Variants in PPP2R3A observed in about 807,000 individuals in gnomAD.
PPP2R3A encodes protein phosphatase 2 regulatory subunit B''alpha.
Under a neutral mutation model 106.9 loss-of-function variants are expected in PPP2R3A, and 80 were observed. The observed-to-expected ratio is 0.75, with a 90% confidence interval of 0.62 to 0.90. The LOEUF (loss-of-function observed/expected upper bound fraction) is 0.90. Among genes scored for constraint, PPP2R3A ranks in the 40% least tolerant of loss-of-function variants. The pLI, the probability that PPP2R3A is intolerant of heterozygous loss-of-function variation, is 0.00. For missense variants in PPP2R3A, 1,386 were observed against 1,350.4 expected (o/e 1.03, Z -0.41); for synonymous variants, 483 against 468.3 (o/e 1.03, Z -0.41).
chr3:135,980,607 A>G (rs1937529023), intron 1 of PPP2R3A, among the ~76,000 whole-genome samples: 1 of 151,880 alleles, frequency 6.6e-6, no homozygotes. Context: ...GGTGAAGTAG[A>G]TGACTGGAAC....
intron 13 of PPP2R3A, among the ~76,000 whole-genome samples, chr3:136,135,504 CAG>C (rs1011616908): frequency 6.6e-6 from 1 of 152,058 alleles, no homozygotes; most frequent in Non-Finnish European, 1.5e-5. Context: ...AATTGTCAAA[CAG>C]AAATTGCCAG....
chr3:136,088,045 C>T, intron 9 of PPP2R3A, 114 bp downstream of exon 9: 1 of 779,750 alleles, frequency 1.3e-6, no homozygotes, highest in Non-Finnish European at 2.1e-6. Context: ...CAAATAATAT[C>T]CTATAAAACA....
chr3:135,974,872 G>A (rs544574446), intron 1 of PPP2R3A, among the ~76,000 whole-genome samples: 1 of 152,232 alleles, frequency 6.6e-6, no homozygotes, highest in Non-Finnish European at 1.5e-5. Context: ...AGAGATTAGT[G>A]GTTGTGAATG....
intron 1 of PPP2R3A, among the ~76,000 whole-genome samples, chr3:135,971,083 T>C (rs1353231924): frequency 6.6e-6 from 1 of 152,196 alleles, no homozygotes; most frequent in Non-Finnish European, 1.5e-5. Context: ...TGTTAGGGAA[T>C]GTGTATCTAA....
chr3:135,972,713 G>A (rs138345378), intron 1 of PPP2R3A, among the ~76,000 whole-genome samples: 208 of 152,210 alleles, frequency 1.4e-3, no homozygotes, highest in African/African-American at 4.7e-3. Flanking sequence ...GACTACTGAC[G>A]TTGAGCATCT....
At chr3:135,986,805 G>A (rs1359762440) in intron 1 of PPP2R3A, among the ~76,000 whole-genome samples, 2 of 152,022 alleles carry the variant, frequency 1.3e-5, no homozygotes, top group African/African-American at 2.4e-5. Context: ...CCATTCTCTT[G>A]TGCATGAACA....
chr3:136,145,437 A>G lies in PPP2R3A; in HGVS notation c.*271A>G, dbSNP rs1364392276. 1 of 240,704 alleles carries G rather than the reference A, an allele frequency of 4.2e-6. No individual in the cohort carries two copies. Among genetic ancestry groups the G allele is most frequent in the African/African-American group, 2.3e-5 (1 of 42,982 alleles). 14.9% of individuals were successfully genotyped at this position (240,704 alleles called of 1,614,324 possible). On this transcript the variant is annotated 3_prime_UTR_variant, in exon 14 of 14. Transcript: ENST00000264977. ...GCACTCTACACTCTTGAATGTACCA[A>G]GGATCTCTTGGCGACAGTACCAAGC...
At chr3:136,066,230 G>T (rs1437813810) in intron 5 of PPP2R3A, among the ~76,000 whole-genome samples, 1 of 152,116 alleles carries the variant, frequency 6.6e-6, no homozygotes, top group Non-Finnish European at 1.5e-5. Context: ...TAGTTCAAAT[G>T]CTCCATAAAT....
chr3:136,019,120 C>T (rs1934375872), intron 2 of PPP2R3A, among the ~76,000 whole-genome samples: 1 of 152,328 alleles, frequency 6.6e-6, no homozygotes, highest in Middle Eastern at 3.4e-3. Flanking sequence ...AGGGAAAGTT[C>T]ATGAGTGATC....
intron 1 of PPP2R3A, among the ~76,000 whole-genome samples, chr3:135,990,502 G>C (rs907271610): frequency 6.6e-6 from 1 of 152,074 alleles, no homozygotes; most frequent in African/African-American, 2.4e-5. Context: ...TTTGTTTTCT[G>C]TAATGCCCTG....
intron 5 of PPP2R3A, chr3:136,055,560 T>A: frequency 7.2e-6 from 10 of 1,382,632 alleles, no homozygotes; most frequent in Non-Finnish European, 9.3e-6. Context: ...TGCTCAAATC[T>A]TCACAGAGCG....
chr3:136,103,010 G>A lies in PPP2R3A; in HGVS notation c.3104-248G>A, dbSNP rs138100374. 3.3e-5 allele frequency among the ~76,000 whole-genome samples: 5 copies of A among 152,180 alleles called. No individual in the cohort carries two copies. In the East Asian group the frequency reaches 7.7e-4, roughly 23 times the overall value. On this transcript the variant is annotated intron_variant, in intron 11 of 13. Transcript: ENST00000264977. ...GTACAACATTGTGAGTGTACTAAAA[G>A]CCACTGAATTATGCACTTTAAAATT... is the stretch of plus-strand genomic sequence containing the variant.
At chr3:136,139,457 A>C (rs1229000349) in intron 13 of PPP2R3A, among the ~76,000 whole-genome samples, 2 of 151,988 alleles carry the variant, frequency 1.3e-5, no homozygotes, top group Non-Finnish European at 2.9e-5. Flanking sequence ...GCCCTTTGGG[A>C]GGCCGAGGGG....
At chr3:136,067,456 A>G (rs961198607) in intron 5 of PPP2R3A, among the ~76,000 whole-genome samples, 8 of 152,192 alleles carry the variant, frequency 5.3e-5, no homozygotes, top group African/African-American at 1.9e-4. Context: ...TTTTCTAGTC[A>G]TAGTGCAAGA....
At chr3:136,015,254 T>G (rs909324853) in intron 2 of PPP2R3A, among the ~76,000 whole-genome samples, 5 of 152,134 alleles carry the variant, frequency 3.3e-5, no homozygotes, top group Non-Finnish European at 7.4e-5. Flanking sequence ...TTTTTGCATC[T>G]ATGTTCACCA....
At chr3:136,102,407 T>C (rs1300609973) in intron 11 of PPP2R3A, among the ~76,000 whole-genome samples, 2 of 147,172 alleles carry the variant, frequency 1.4e-5, no homozygotes, top group African/African-American at 5.0e-5. Flanking sequence ...AGTACAATGG[T>C]GTGATCTCAG....
Position 136,001,548 on chromosome 3 carries a change from G to A in PPP2R3A, c.50G>A (p.Ser17Asn), listed in dbSNP as rs1241538042. Reference protein sequence around the residue: ...LVVSTVNHYSSVVIDRRFEQA... With the variant: ...LVVSTVNHYSNVVIDRRFEQA... ...GTTAGTACTGTGAACCACTACAGCA[G>A]CGTGGTGATAGACCGGCGTTTTGAA... The change falls in exon 2 of 14, where the codon AGC (serine) becomes AAC (asparagine). Residue 17 changes from serine (S) to asparagine (N), a missense_variant. By Grantham distance (46) the Ser-to-Asn change is conservative. Transcript: ENST00000264977. The A allele has an allele frequency of 1.2e-6, 2 of 1,614,194 alleles. No homozygotes were observed. The highest frequency in any genetic ancestry group is 1.7e-6 in the Non-Finnish European group (2 of 1,180,020).
In PPP2R3A at chr3:135,983,669, T is replaced by A. The variant is rs113981869; in HGVS notation, c.-440-17390T>A. Among the ~76,000 whole-genome samples, 923 of 152,354 alleles carry A rather than the reference T, an allele frequency of 6.1e-3. 7 individuals are homozygous for A. Among genetic ancestry groups the A allele is most frequent in the Middle Eastern group, 0.01 (3 of 294 alleles). On this transcript the variant is annotated intron_variant, in intron 1 of 13. Transcript: ENST00000264977. ...GCCTTCTGCATCTTCTATTTGCCTC[T>A]TGTTGATTTAATCTCACAGGTCATT...
chr3:136,111,556 A>G (rs2107983486), intron 13 of PPP2R3A, among the ~76,000 whole-genome samples: 1 of 152,306 alleles, frequency 6.6e-6, no homozygotes, highest in Middle Eastern at 3.4e-3. Context: ...GAAGAAATTG[A>G]TAAATTCCTG....
Sources: gnomAD v4.1 joint callset for allele counts (sites outside exome capture counted in the v4.1 genomes callset) on GRCh38, gnomAD v4.1.1 for gene constraint, MANE v1.5 for transcripts, NCBI Gene and HGNC (gene_info 2026-07-23, HGNC 2026-07-21) for gene names.